Variants in OR5AK2 observed in about 807,000 individuals in gnomAD.
The protein encoded by OR5AK2 is olfactory receptor 5AK2.
For synonymous variants in OR5AK2, 176 were observed against 128.2 expected, an observed-to-expected ratio of 1.37 and a Z score of -2.52; for missense variants, 438 against 366.3, an observed-to-expected ratio of 1.20 and a Z score of -1.60.
rs144861207 is a variant in OR5AK2, at chr11:56,989,630, A to G, written c.717A>G (p.Ser239=). Reference sequence around the variant, plus strand: ...GTGCAGGAAGGAAAAAATCCTTCTCAACATGTGCTTCCCACCTGACCGCAG... The same window carrying G: ...GTGCAGGAAGGAAAAAATCCTTCTCGACATGTGCTTCCCACCTGACCGCAG... The part of the protein sequence containing the change: ...SSSAGRKKSF[S]TCASHLTAVT... The change falls in exon 1 of 1, where the codon TCA becomes TCG. Residue 239 remains serine, a synonymous_variant. Coordinates refer to ENST00000326855, the MANE Select transcript of OR5AK2 (RefSeq NM_001005323.1). 4 of 1,613,962 alleles carry G rather than the reference A, an allele frequency of 2.5e-6. No individual in the cohort carries two copies. Among genetic ancestry groups the G allele is most frequent in the Non-Finnish European group, 3.4e-6 (4 of 1,179,966 alleles).
At position 56,988,923 on chromosome 11, in the gene OR5AK2, G is replaced by A; in HGVS notation, c.10G>A (p.Gly4Arg). The A allele has an allele frequency of 6.3e-7, 1 of 1,598,576 alleles. No individual in the cohort carries two copies. The highest frequency in any genetic ancestry group is 1.1e-5 in the South Asian group (1 of 88,644). MTLGNSTEVTEFYL... is the reference protein window; with the variant it reads MTLRNSTEVTEFYL... ...TAGACTTTTACTAGCCATGACACTA[G>A]GAAACAGCACTGAAGTCACTGAATT... The change falls in exon 1 of 1, where the codon GGA becomes AGA. Residue 4 changes from glycine (G) to arginine (R), a missense_variant. Gly to Arg is a moderately radical substitution (Grantham distance 125). Coordinates refer to ENST00000326855, the MANE Select transcript of OR5AK2 (RefSeq NM_001005323.1).
At position 56,989,067 on chromosome 11, in the gene OR5AK2, G is replaced by C; in HGVS notation, c.154G>C (p.Asp52His). The C allele has an allele frequency of 6.2e-7, 1 of 1,614,012 alleles. No homozygotes were observed. The highest frequency in any genetic ancestry group is 8.5e-7 in the Non-Finnish European group (1 of 1,179,936). Residue 52 changes from aspartate to histidine, a missense_variant, in exon 1 of 1, where the codon GAT (aspartate) becomes CAT (histidine). Physicochemically the swap from Asp to His is moderately conservative, Grantham distance 81. Transcript: ENST00000326855. ...TGGAATAATCTTACTCATCAACACA[G>C]ATTCCAGATTTCAAACACTCACGTA... The part of the protein sequence containing the change: ...NSGIILLINT[D>H]SRFQTLTYFF...
In OR5AK2 at chr11:56,988,918, C is replaced by A; in HGVS notation, c.5C>A (p.Thr2Lys). 6.3e-7 allele frequency: 1 copy of A among 1,590,918 alleles called. No homozygotes were observed. The highest frequency in any genetic ancestry group is 8.6e-7 in the Non-Finnish European group (1 of 1,167,502). M[T>K]LGNSTEVTEF... ...ATTTCTAGACTTTTACTAGCCATGACACTAGGAAACAGCACTGAAGTCACT... is the reference window on the plus strand; with the variant it reads ...ATTTCTAGACTTTTACTAGCCATGAAACTAGGAAACAGCACTGAAGTCACT... The change falls in exon 1 of 1, where the codon ACA becomes AAA. Residue 2 changes from threonine to lysine, a missense_variant. Thr to Lys is a moderately conservative substitution (Grantham distance 78). Coordinates refer to ENST00000326855, the MANE Select transcript of OR5AK2 (RefSeq NM_001005323.1).
chr11:56,988,919 A>C lies in OR5AK2; in HGVS notation c.6A>C (p.Thr2=), dbSNP rs1444959888. 2 of 1,593,102 alleles carry C rather than the reference A, an allele frequency of 1.3e-6. No homozygotes were observed. The highest frequency in any genetic ancestry group is 2.3e-5 in the South Asian group (2 of 87,888). Residue 2 remains threonine (T), a synonymous_variant, in exon 1 of 1, where the codon ACA becomes ACC. Transcript: ENST00000326855. M[T]LGNSTEVTEF... is the part of the protein sequence containing the mutation. ...TTTCTAGACTTTTACTAGCCATGACACTAGGAAACAGCACTGAAGTCACTG... is the reference window on the plus strand; with the variant it reads ...TTTCTAGACTTTTACTAGCCATGACCCTAGGAAACAGCACTGAAGTCACTG...
Position 56,989,204 on chromosome 11 carries a change from T to A in OR5AK2, c.291T>A (p.Cys97Ter), listed in dbSNP as rs144198045. ...AGAATTTGATGTTATTTCAGGGCTGTGTGATACAATTCTTAGTTTATGCAA... is the reference window on the plus strand; with the variant it reads ...AGAATTTGATGTTATTTCAGGGCTGAGTGATACAATTCTTAGTTTATGCAA... ...EEKNLMLFQG[C>*]VIQFLVYATF... is the part of the protein sequence containing the mutation. The change falls in exon 1 of 1, where the codon TGT becomes TGA. Residue 97 changes from cysteine to a stop codon, truncating the protein, a stop_gained. Coordinates refer to ENST00000326855, the MANE Select transcript of OR5AK2 (RefSeq NM_001005323.1). LOFTEE classifies it low-confidence loss of function (END_TRUNC). The A allele has an allele frequency of 3.1e-6, 5 of 1,614,044 alleles. No individual in the cohort carries two copies. In the African/African-American group the frequency reaches 6.7e-5, roughly 22 times the overall value.
Position 56,989,225 on chromosome 11 carries a change from T to C in OR5AK2, c.312T>C (p.Tyr104=), listed in dbSNP as rs1281162374. ...FQGCVIQFLV[Y]ATFATSDCYL... ...GCTGTGTGATACAATTCTTAGTTTA[T>C]GCAACATTTGCAACCAGTGACTGTT... The change falls in exon 1 of 1, where the codon TAT becomes TAC. Residue 104 remains tyrosine (Y), a synonymous_variant. Coordinates refer to ENST00000326855, the MANE Select transcript of OR5AK2 (RefSeq NM_001005323.1). 12 of 1,614,128 alleles carry C rather than the reference T, an allele frequency of 7.4e-6. No homozygotes were observed. The highest frequency in any genetic ancestry group is 5.5e-5 in the South Asian group (5 of 91,086).
chr11:56,989,137 C>T lies in OR5AK2; in HGVS notation c.224C>T (p.Ser75Phe), dbSNP rs1861642986. 6.2e-7 allele frequency: 1 copy of T among 1,613,468 alleles called. No individual in the cohort carries two copies. The highest frequency in any genetic ancestry group is 8.5e-7 in the Non-Finnish European group (1 of 1,179,526). ...GCTTTTGTTGATATCTGTTACACTT[C>T]TGCTATCACTCCCAAGATGCTCCAA... Reference protein sequence around the residue: ...HLAFVDICYTSAITPKMLQSF... With the variant: ...HLAFVDICYTFAITPKMLQSF... The change falls in exon 1 of 1, where the codon TCT becomes TTT. Residue 75 changes from serine to phenylalanine, a missense_variant. Ser to Phe is a radical substitution (Grantham distance 155). Coordinates refer to ENST00000326855, the MANE Select transcript of OR5AK2 (RefSeq NM_001005323.1).
rs1254042196 is a variant in OR5AK2 at position 56,989,520 on chromosome 11, G to T, written c.607G>T (p.Val203Leu). The change falls in exon 1 of 1, where the codon GTG (valine) becomes TTG (leucine). Residue 203 changes from valine (V) to leucine (L), a missense_variant. By Grantham distance (32) the Val-to-Leu change is conservative. Transcript: ENST00000326855. ...CAACATCATGCTACTTGTTGTCTTTGTGGGATCTAACTTGATATTCACTGG... is the reference window on the plus strand; with the variant it reads ...CAACATCATGCTACTTGTTGTCTTTTTGGGATCTAACTTGATATTCACTGG... ...DINIMLLVVF[V>L]GSNLIFTGLV... 1 of 1,614,068 alleles carries T rather than the reference G, an allele frequency of 6.2e-7. No homozygotes were observed. The highest frequency in any genetic ancestry group is 8.5e-7 in the Non-Finnish European group (1 of 1,179,974).
At position 56,989,103 on chromosome 11, in the gene OR5AK2, C is replaced by T. The variant is rs189588796; in HGVS notation, c.190C>T (p.Gln64Ter). ...TCAAACACTCACGTACTTTTTTCTACAACATTTGGCTTTTGTTGATATCTG... is the reference window on the plus strand; with the variant it reads ...TCAAACACTCACGTACTTTTTTCTATAACATTTGGCTTTTGTTGATATCTG... ...RFQTLTYFFLQHLAFVDICYT... is the reference protein window; with the variant it reads ...RFQTLTYFFL The change falls in exon 1 of 1, where the codon CAA becomes TAA. Residue 64 changes from glutamine (Q) to a stop codon, truncating the protein, a stop_gained. Coordinates refer to ENST00000326855, the MANE Select transcript of OR5AK2 (RefSeq NM_001005323.1). LOFTEE classifies it low-confidence loss of function (END_TRUNC). 3.1e-5 allele frequency: 50 copies of T among 1,613,930 alleles called. No homozygotes were observed. In the East Asian group the frequency reaches 1.0e-3, roughly 32 times the overall value.
chr11:56,989,387 A>G lies in OR5AK2; in HGVS notation c.474A>G (p.Val158=). 1.2e-6 allele frequency: 2 copies of G among 1,614,094 alleles called. No homozygotes were observed. Among genetic ancestry groups the G allele is most frequent in the Non-Finnish European group, 1.7e-6 (2 of 1,179,928 alleles). ...TCATGGGCTCAATAAATGCCTCTGT[A>G]CAAACAGGTTTTACATGTTCACTGT... The part of the protein sequence containing the change: ...SYIMGSINAS[V]QTGFTCSLSF... Residue 158 remains valine (V), a synonymous_variant, in exon 1 of 1, where the codon GTA becomes GTG. Coordinates refer to ENST00000326855, the MANE Select transcript of OR5AK2 (RefSeq NM_001005323.1).
chr11:56,989,720 A>G lies in OR5AK2; in HGVS notation c.807A>G (p.Glu269=). 2 of 1,613,838 alleles carry G rather than the reference A, an allele frequency of 1.2e-6. No individual in the cohort carries two copies. Among genetic ancestry groups the G allele is most frequent in the Non-Finnish European group, 8.5e-7 (1 of 1,179,756 alleles). ...AGTCTCATTCTAATAATTCCCAGGA[A>G]AATATGAAAGTGGCCTTTATATTTT... is the stretch of plus-strand genomic sequence containing the variant. ...YLQSHSNNSQ[E]NMKVAFIFYG... The change falls in exon 1 of 1, where the codon GAA becomes GAG. Residue 269 remains glutamate (E), a synonymous_variant. Transcript: ENST00000326855.
At position 56,989,423 on chromosome 11, in the gene OR5AK2, G is replaced by A. The variant is rs147984534; in HGVS notation, c.510G>A (p.Lys170=). Residue 170 remains lysine, a synonymous_variant, in exon 1 of 1, where the codon AAG becomes AAA. Coordinates refer to ENST00000326855, the MANE Select transcript of OR5AK2 (RefSeq NM_001005323.1). ...TTACATGTTCACTGTCCTTCTGCAAGTCCAATAGCATCAATCACTTTTTCT... is the reference window on the plus strand; with the variant it reads ...TTACATGTTCACTGTCCTTCTGCAAATCCAATAGCATCAATCACTTTTTCT... ...TGFTCSLSFC[K]SNSINHFFCD... The A allele has an allele frequency of 2.5e-5, 41 of 1,614,046 alleles. No individual in the cohort carries two copies. The African/African-American group carries it at 4.1e-4, about 16-fold the overall frequency.
chr11:56,989,819 A>C lies in OR5AK2; in HGVS notation c.906A>C (p.Lys302Asn). 2 of 1,589,942 alleles carry C rather than the reference A, an allele frequency of 1.3e-6. No homozygotes were observed. Among genetic ancestry groups the C allele is most frequent in the Non-Finnish European group, 1.7e-6 (2 of 1,167,270 alleles). ...ATAAGGAAGTAAAAGAAGCTTTAAA[A>C]GTGATAGGGAAAAAGTTATTTTAAA... ...LRNKEVKEALKVIGKKLF is the reference protein window; with the variant it reads ...LRNKEVKEALNVIGKKLF Residue 302 changes from lysine to asparagine, a missense_variant, in exon 1 of 1, where the codon AAA (lysine) becomes AAC (asparagine). Transcript: ENST00000326855.
Position 56,989,753 on chromosome 11 carries a change from A to T in OR5AK2, c.840A>T (p.Thr280=), listed in dbSNP as rs1445598858. Reference sequence around the variant, plus strand: ...AAGTGGCCTTTATATTTTATGGCACAGTTATTCCCATGTTAAATCCTTTAA... The same window carrying T: ...AAGTGGCCTTTATATTTTATGGCACTGTTATTCCCATGTTAAATCCTTTAA... ...NMKVAFIFYG[T]VIPMLNPLIY... is the part of the protein sequence containing the mutation. Residue 280 remains threonine (T), a synonymous_variant, in exon 1 of 1, where the codon ACA becomes ACT. Coordinates refer to ENST00000326855, the MANE Select transcript of OR5AK2 (RefSeq NM_001005323.1). 3.1e-6 allele frequency: 5 copies of T among 1,612,342 alleles called. No individual in the cohort carries two copies. Among genetic ancestry groups the T allele is most frequent in the Non-Finnish European group, 4.2e-6 (5 of 1,178,424 alleles).
Position 56,989,550 on chromosome 11 carries a change from G to A in OR5AK2, c.637G>A (p.Val213Ile). ...ATCTAACTTGATATTCACTGGGTTG[G>A]TCGTCATCTTTTCCTACATCTACAT... The part of the protein sequence containing the change: ...VGSNLIFTGL[V>I]VIFSYIYIMA... The change falls in exon 1 of 1, where the codon GTC becomes ATC. Residue 213 changes from valine to isoleucine, a missense_variant. Transcript: ENST00000326855. 1.2e-6 allele frequency: 2 copies of A among 1,614,016 alleles called. No individual in the cohort carries two copies. Among genetic ancestry groups the A allele is most frequent in the African/African-American group, 1.3e-5 (1 of 75,004 alleles).
chr11:56,989,384 T>G lies in OR5AK2; in HGVS notation c.471T>G (p.Ser157=). 6.2e-7 allele frequency: 1 copy of G among 1,614,178 alleles called. No homozygotes were observed. Among genetic ancestry groups the G allele is most frequent in the Non-Finnish European group, 8.5e-7 (1 of 1,179,988 alleles). Reference sequence around the variant, plus strand: ...ACATCATGGGCTCAATAAATGCCTCTGTACAAACAGGTTTTACATGTTCAC... The same window carrying G: ...ACATCATGGGCTCAATAAATGCCTCGGTACAAACAGGTTTTACATGTTCAC... ...GSYIMGSINA[S]VQTGFTCSLS... is the part of the protein sequence containing the mutation. The change falls in exon 1 of 1, where the codon TCT becomes TCG. Residue 157 remains serine, a synonymous_variant. Transcript: ENST00000326855.
Position 56,989,237 on chromosome 11 carries a change from A to C in OR5AK2, c.324A>C (p.Ala108=), listed in dbSNP as rs759090491. 1.2e-6 allele frequency: 2 copies of C among 1,614,084 alleles called. No individual in the cohort carries two copies. The highest frequency in any genetic ancestry group is 1.7e-5 in the Admixed American group (1 of 60,010). ...AATTCTTAGTTTATGCAACATTTGC[A>C]ACCAGTGACTGTTATCTCCTGGCTA... is the stretch of plus-strand genomic sequence containing the variant. The part of the protein sequence containing the change: ...VIQFLVYATF[A]TSDCYLLAMM... The change falls in exon 1 of 1, where the codon GCA becomes GCC. Residue 108 remains alanine, a synonymous_variant. Transcript: ENST00000326855.
rs144816393 is a variant in OR5AK2 at position 56,989,350 on chromosome 11, C to G, written c.437C>G (p.Ala146Gly). The G allele has an allele frequency of 1.1e-5, 18 of 1,614,012 alleles. No homozygotes were observed. In the African/African-American group the frequency reaches 2.1e-4, roughly 19 times the overall value. Residue 146 changes from alanine to glycine, a missense_variant, in exon 1 of 1, where the codon GCT (alanine) becomes GGT (glycine). Ala to Gly is a moderately conservative substitution (Grantham distance 60). Transcript: ENST00000326855. ...MSRTVCIRLV[A>G]GSYIMGSINA... ...CGAACAGTCTGCATCCGTTTGGTAG[C>G]TGGTTCATACATCATGGGCTCAATA...
In OR5AK2 at chr11:56,989,411, G is replaced by T. The variant is rs533181454; in HGVS notation, c.498G>T (p.Leu166=). 46 of 1,614,104 alleles carry T rather than the reference G, an allele frequency of 2.8e-5. No homozygotes were observed. In the South Asian group the frequency reaches 4.7e-4, roughly 17 times the overall value. Residue 166 remains leucine (L), a synonymous_variant, in exon 1 of 1, where the codon CTG becomes CTT. Transcript: ENST00000326855. ...ASVQTGFTCS[L]SFCKSNSINH... ...TACAAACAGGTTTTACATGTTCACT[G>T]TCCTTCTGCAAGTCCAATAGCATCA... is the stretch of plus-strand genomic sequence containing the variant.
Sources: gnomAD v4.1 joint callset for allele counts on GRCh38, gnomAD v4.1.1 for gene constraint, MANE v1.5 for transcripts, NCBI Gene and HGNC (gene_info 2026-07-23, HGNC 2026-07-21) for gene names.